The following HIVEP3 variants were observed in gnomAD, a reference collection of about 807,000 sequenced individuals.
HIVEP3 encodes the protein HIVEP zinc finger 3.
Under a neutral mutation model 152.8 loss-of-function variants are expected in HIVEP3, and 49 were observed. The ratio of observed to expected loss-of-function variants is 0.32; its 90% CI spans 0.26 to 0.41. The LOEUF (loss-of-function observed/expected upper bound fraction) is 0.41. HIVEP3 is among the 10% of genes least tolerant of loss of function. The pLI is 1.00. For synonymous variants in HIVEP3, 1,269 were observed against 1,289.0 expected, an observed-to-expected ratio of 0.98 and a Z score of 0.33; for missense variants, 2,790 against 3,103.3, an observed-to-expected ratio of 0.90 and a Z score of 2.40.
intron 1 of HIVEP3, among the ~76,000 whole-genome samples, chr1:41,735,657 T>C (rs1646906118): frequency 6.6e-6 from 1 of 152,088 alleles, no homozygotes; most frequent in Admixed American, 6.5e-5. Flanking sequence ...GCCTGGAGAT[T>C]TGGGACTCAG....
At chr1:41,798,737 T>C (rs527915284) in intron 1 of HIVEP3, among the ~76,000 whole-genome samples, 39 of 152,382 alleles carry the variant, frequency 2.6e-4, no homozygotes, top group African/African-American at 8.4e-4. Context: ...TAAATCACTT[T>C]GGTCCATTCA....
intron 3 of HIVEP3, among the ~76,000 whole-genome samples, chr1:41,592,717 C>A (rs149309681): frequency 6.6e-6 from 1 of 152,320 alleles, no homozygotes; most frequent in African/African-American, 2.4e-5. Flanking sequence ...CACCAGGCAA[C>A]CTGCAATTGT....
chr1:41,785,348 G>A (rs2124289224), intron 1 of HIVEP3, among the ~76,000 whole-genome samples: 1 of 152,258 alleles, frequency 6.6e-6, no homozygotes, highest in African/African-American at 2.4e-5. Flanking sequence ...GAATGGGGAG[G>A]GTTGCATCGG....
At chr1:41,799,419 G>A (rs539055113) in intron 1 of HIVEP3, among the ~76,000 whole-genome samples, 228 of 152,302 alleles carry the variant, frequency 1.5e-3, no homozygotes, top group African/African-American at 5.4e-3. Flanking sequence ...CTAGAATGCT[G>A]TTCCCTGCTG....
intron 1 of HIVEP3, among the ~76,000 whole-genome samples, chr1:41,713,336 C>T (rs1172399420): frequency 6.6e-6 from 1 of 152,220 alleles, no homozygotes; most frequent in Non-Finnish European, 1.5e-5. Flanking sequence ...CTGGCTTCTG[C>T]AAGTCCCTGA....
intron 4 of HIVEP3, among the ~76,000 whole-genome samples, chr1:41,576,061 G>A (rs1481655574): frequency 1.3e-5 from 2 of 152,236 alleles, no homozygotes; most frequent in African/African-American, 4.8e-5. Context: ...CTGTCTCAGA[G>A]AAGAGGCTTA....
At chr1:41,876,491 T>C (rs1441260783) in intron 1 of HIVEP3, among the ~76,000 whole-genome samples, 1 of 152,178 alleles carries the variant, frequency 6.6e-6, no homozygotes, top group East Asian at 1.9e-4. Flanking sequence ...ATTAAGTGAA[T>C]TAATACTTGT....
Position 41,582,572 on chromosome 1 carries a change from T to C in HIVEP3, c.2226A>G (p.Pro742=), listed in dbSNP as rs1644431470. 6.2e-7 allele frequency: 1 copy of C among 1,612,150 alleles called. No individual in the cohort carries two copies. The highest frequency in any genetic ancestry group is 1.3e-5 in the African/African-American group (1 of 74,812). Residue 742 remains proline (P), a synonymous_variant, in exon 4 of 9, where the codon CCA becomes CCG. Coordinates refer to ENST00000372583, the MANE Select transcript of HIVEP3 (RefSeq NM_024503.5). This position sits in a 1 kb window ranked among gnomAD's most constrained non-coding sequence, Gnocchi z 4.7. ...STKSQFGSPG[P]SDAARNLPLE... Reference sequence around the variant, plus strand: ...GGGGAAGGTTCCGAGCAGCATCAGATGGCCCGGGGCTGCCAAACTGACTTT... The same window carrying C: ...GGGGAAGGTTCCGAGCAGCATCAGACGGCCCGGGGCTGCCAAACTGACTTT...
At chr1:41,862,942 T>G (rs1643906012) in intron 1 of HIVEP3, among the ~76,000 whole-genome samples, 1 of 152,200 alleles carries the variant, frequency 6.6e-6, no homozygotes, top group Non-Finnish European at 1.5e-5. Context: ...GCAGTTATTC[T>G]GAATGGCAGC....
At position 41,617,867 on chromosome 1, in the gene HIVEP3, G is replaced by T. The variant is rs56286327; in HGVS notation, c.-522+10882C>A. Among the ~76,000 whole-genome samples the T allele has an allele frequency of 4.9e-3, 620 of 125,436 alleles. 6 individuals are homozygous for T. Among genetic ancestry groups the T allele is most frequent in the African/African-American group, 0.017 (582 of 33,806 alleles). The allele number at this position is 125,436 out of a possible 152,430, so 82.3% of individuals were successfully genotyped here. ...ATGCCAATGGCTTTGGAACTGGACAGGCTTCTAAGCATCTTTTAGTTCAGT... is the reference window on the plus strand; with the variant it reads ...ATGCCAATGGCTTTGGAACTGGACATGCTTCTAAGCATCTTTTAGTTCAGT... On this transcript the variant is annotated intron_variant, in intron 3 of 8. Coordinates refer to ENST00000372583, the MANE Select transcript of HIVEP3 (RefSeq NM_024503.5).
intron 1 of HIVEP3, among the ~76,000 whole-genome samples, chr1:41,736,580 C>T (rs940849825): frequency 2.6e-5 from 4 of 152,224 alleles, no homozygotes; most frequent in East Asian, 3.8e-4. Context: ...GAGAGGGCTG[C>T]ACCACATGCC....
chr1:41,995,948 C>G (rs950758932), intron 1 of HIVEP3, among the ~76,000 whole-genome samples: 2 of 152,188 alleles, frequency 1.3e-5, no homozygotes, highest in African/African-American at 4.8e-5. Context: ...TCCTCACCTC[C>G]TCCTCTGCCT....
chr1:41,650,979 G>A (rs1645539817), intron 2 of HIVEP3, among the ~76,000 whole-genome samples: 1 of 152,142 alleles, frequency 6.6e-6, no homozygotes, highest in Non-Finnish European at 1.5e-5. Context: ...CTACAAGGGA[G>A]TACCTTTGTA....
At chr1:41,743,148 G>T (rs1647021702) in intron 1 of HIVEP3, among the ~76,000 whole-genome samples, 1 of 152,060 alleles carries the variant, frequency 6.6e-6, no homozygotes. Context: ...GTATGGGTAT[G>T]CCACTGACAG....
At chr1:41,782,267 A>G (rs142405565) in intron 1 of HIVEP3, among the ~76,000 whole-genome samples, 37 of 152,376 alleles carry the variant, frequency 2.4e-4, no homozygotes, top group African/African-American at 8.9e-4. Context: ...AGTCAAATTC[A>G]TAGAGACAGA....
chr1:41,928,345 A>T (rs1644978282), intron 1 of HIVEP3, among the ~76,000 whole-genome samples: 1 of 152,110 alleles, frequency 6.6e-6, no homozygotes, highest in Non-Finnish European at 1.5e-5. Context: ...ACTTCATCAG[A>T]TGCTCTCCCT....
chr1:41,885,528 T>C (rs1644330858), intron 1 of HIVEP3, among the ~76,000 whole-genome samples: 1 of 152,156 alleles, frequency 6.6e-6, no homozygotes. Flanking sequence ...TAACTGGGCA[T>C]GGTGGTGCAT....
intron 5 of HIVEP3, among the ~76,000 whole-genome samples, chr1:41,556,172 AT>A (rs1482108063): frequency 6.6e-6 from 1 of 152,124 alleles, no homozygotes; most frequent in African/African-American, 2.4e-5. Context: ...TCATATGGTA[AT>A]TCTATGTTTG....
At chr1:41,938,548 T>C (rs1250716255) in intron 1 of HIVEP3, among the ~76,000 whole-genome samples, 1 of 151,910 alleles carries the variant, frequency 6.6e-6, no homozygotes, top group Non-Finnish European at 1.5e-5. Context: ...TCTAGAACAC[T>C]CAAAAAGAAA....
Sources: gnomAD v4.1 joint callset for allele counts (sites outside exome capture counted in the v4.1 genomes callset) on GRCh38, gnomAD v4.1.1 for gene constraint, Gnocchi (gnomAD v3.1) non-coding constraint, MANE v1.5 for transcripts, NCBI Gene and HGNC (gene_info 2026-07-23, HGNC 2026-07-21) for gene names.